PRAC2: variants seen among roughly 807,000 people sequenced by gnomAD.
The protein encoded by PRAC2 is protein PRAC2.
For missense variants in PRAC2, 92 were observed against 114.5 expected, an observed-to-expected ratio of 0.80 and a Z score of 0.90; for synonymous variants, 43 against 49.5, an observed-to-expected ratio of 0.87 and a Z score of 0.55.
At chr17:48,720,835 CAGGTGCTTGTTAGTGTCTGA>C (rs1423966350), upstream of PRAC2, among the ~76,000 whole-genome samples, 1 of 152,148 alleles carries the variant, frequency 6.6e-6, no homozygotes, top group African/African-American at 2.4e-5. Flanking sequence ...CGGATGGAAG[CAGGTGCTTGTTAGTGTCTGA>C]AGGGCCTTGC....
upstream of PRAC2, among the ~76,000 whole-genome samples, chr17:48,722,813 C>T (rs1012684934): frequency 6.6e-6 from 1 of 152,068 alleles, no homozygotes; most frequent in African/African-American, 2.4e-5. Flanking sequence ...AAAATGGGGG[C>T]GGGGGCGGTG....
upstream of PRAC2, among the ~76,000 whole-genome samples, chr17:48,720,108 G>A (rs186170823): frequency 6.6e-6 from 1 of 152,344 alleles, no homozygotes; most frequent in Admixed American, 6.5e-5. Flanking sequence ...GGATGGGTAC[G>A]GACCCCGCAG....
chr17:48,722,311 A>G (rs373273135), upstream of PRAC2: 627 of 1,611,574 alleles, frequency 3.9e-4, no homozygotes, highest in Non-Finnish European at 4.8e-4. Flanking sequence ...CCCACCGATC[A>G]GTTTACCTTA....
At chr17:48,723,825 TA>T (rs1267977966) in intron 1 of PRAC2, 5 of 1,166,594 alleles carry the variant, frequency 4.3e-6, no homozygotes, top group Non-Finnish European at 5.4e-6. Flanking sequence ...GGAGGCCTAA[TA>T]AAATCCACTT....
chr17:48,722,387 C>A (rs1211804379), upstream of PRAC2: 20 of 1,614,162 alleles, frequency 1.2e-5, no homozygotes, highest in Non-Finnish European at 1.5e-5. Context: ...AATGGGCGCA[C>A]AACATCGCTG....
upstream of PRAC2, among the ~76,000 whole-genome samples, chr17:48,720,336 C>A (rs142665747): frequency 4.6e-5 from 7 of 152,336 alleles, no homozygotes; most frequent in African/African-American, 1.7e-4. Flanking sequence ...GGATCCGCAC[C>A]GTCCTTCTAT....
upstream of PRAC2, among the ~76,000 whole-genome samples, chr17:48,722,815 G>C (rs1021303779): frequency 6.6e-6 from 1 of 152,124 alleles, no homozygotes; most frequent in African/African-American, 2.4e-5. Context: ...AATGGGGGCG[G>C]GGGCGGTGGA....
In PRAC2 at chr17:48,723,712, C is replaced by T. The variant is rs2038171949; in HGVS notation, c.-84+399C>T. ...CGGAGTAAAACCCGAAAGATGGAGC[C>T]TCAGGTTCGCGCTCTGCGTTGCGGG... is the stretch of plus-strand genomic sequence containing the variant. On this transcript the variant is annotated intron_variant, in intron 1 of 1. Transcript: ENST00000422730. 7.3e-6 allele frequency: 9 copies of T among 1,231,770 alleles called. No individual in the cohort carries two copies. The East Asian group carries it at 2.8e-4, about 39-fold the overall frequency. 76.3% of individuals were successfully genotyped at this position (1,231,770 alleles called of 1,614,324 possible).
chr17:48,719,723 T>C (rs1376107105), upstream of PRAC2, among the ~76,000 whole-genome samples: 1 of 152,248 alleles, frequency 6.6e-6, no homozygotes, highest in Non-Finnish European at 1.5e-5. Context: ...AGTTACACCA[T>C]GTCGATCCCG....
At chr17:48,720,219 A>C (rs2038131898), upstream of PRAC2, among the ~76,000 whole-genome samples, 3 of 152,254 alleles carry the variant, frequency 2.0e-5, no homozygotes. Flanking sequence ...TCAGCCTCTG[A>C]GTGGGCAAGG....
Position 48,724,566 on chromosome 17 carries a change from G to A in PRAC2, c.156G>A (p.Arg52=). The change falls in exon 2 of 2, where the codon AGG becomes AGA. Residue 52 remains arginine (R), a synonymous_variant. Transcript: ENST00000422730. ...IHLPMPWPNG[R]RHRVLDPHTQ... ...TGCCGATGCCCTGGCCGAATGGCAG[G>A]CGACATCGGGTCCTGGACCCCCACA... The A allele has an allele frequency of 8.1e-7, 1 of 1,232,188 alleles. No individual in the cohort carries two copies. Among genetic ancestry groups the A allele is most frequent in the Non-Finnish European group, 1.0e-6 (1 of 987,958 alleles). The allele number at this position is 1,232,188 out of a possible 1,614,324, so 76.3% of individuals were successfully genotyped here. A position where few individuals can be genotyped will look rare whatever the true frequency, so the allele number is the denominator to read the frequency against.
At chr17:48,719,501 C>G (rs965140507), upstream of PRAC2, among the ~76,000 whole-genome samples, 2 of 152,158 alleles carry the variant, frequency 1.3e-5, no homozygotes, top group African/African-American at 4.8e-5. Context: ...GCGACAGCCC[C>G]CCGGATAACC....
chr17:48,722,395 C>G, upstream of PRAC2: 1 of 1,614,052 alleles, frequency 6.2e-7, no homozygotes, highest in Non-Finnish European at 8.5e-7. Context: ...CACAACATCG[C>G]TGTTCTCTCT....
chr17:48,723,928 G>A (rs1244554549), intron 1 of PRAC2, among the ~76,000 whole-genome samples: 1 of 152,240 alleles, frequency 6.6e-6, no homozygotes, highest in Non-Finnish European at 1.5e-5. Context: ...TTCGCTGCGG[G>A]AGTTTGGCTC....
At chr17:48,719,056 C>T (rs951441794), upstream of PRAC2, among the ~76,000 whole-genome samples, 2 of 152,204 alleles carry the variant, frequency 1.3e-5, no homozygotes, top group African/African-American at 4.8e-5. Context: ...CCACGCCAGA[C>T]GGAGTGGCCC....
upstream of PRAC2, among the ~76,000 whole-genome samples, chr17:48,720,590 T>G (rs949670288): frequency 1.3e-5 from 2 of 152,186 alleles, no homozygotes; most frequent in Non-Finnish European, 2.9e-5. Context: ...GACCCAAGAT[T>G]TACCAGCATA....
upstream of PRAC2, among the ~76,000 whole-genome samples, chr17:48,720,085 C>A (rs1346094169): frequency 6.6e-6 from 1 of 152,194 alleles, no homozygotes; most frequent in Non-Finnish European, 1.5e-5. Context: ...AGATGGGGAG[C>A]TGAGGGCCCA....
At chr17:48,722,566 G>A (rs2038157603), upstream of PRAC2, 2 of 606,600 alleles carry the variant, frequency 3.3e-6, no homozygotes, top group Admixed American at 2.7e-5. Flanking sequence ...GTCTGGGGCG[G>A]GGCTCAGTAA....
At chr17:48,723,566 C>T (rs969722318) in intron 1 of PRAC2, 15 of 525,412 alleles carry the variant, frequency 2.9e-5, no homozygotes, top group African/African-American at 1.6e-4. Context: ...TTTCCTGCTT[C>T]GAGGGCTTTC....
Sources: allele counts gnomAD v4.1 joint callset (sites outside exome capture counted in the v4.1 genomes callset), GRCh38; gene constraint gnomAD v4.1.1; transcripts MANE v1.5; gene names NCBI Gene and HGNC (gene_info 2026-07-23, HGNC 2026-07-21).